GPC5: variants seen among roughly 807,000 people sequenced by gnomAD.
The protein encoded by GPC5 is glypican 5.
A neutral mutation model predicts 53.9 loss-of-function variants in GPC5; 47 were observed. The observed-to-expected ratio is 0.87, with a 90% CI of 0.69 to 1.11. GPC5 has a LOEUF of 1.11. GPC5 is among the 50% of genes most tolerant of loss of function. GPC5 has a pLI of 0.00. For missense variants in GPC5, 748 were observed against 713.1 expected (o/e 1.05, Z -0.56); for synonymous variants, 286 against 263.3 (o/e 1.09, Z -0.84).
chr13:92,432,708 G>A (rs192355208), intron 7 of GPC5, among the ~76,000 whole-genome samples: 4 of 152,038 alleles, frequency 2.6e-5, no homozygotes, highest in East Asian at 3.9e-4. Flanking sequence ...CAGCAACCTA[G>A]TGTTTACTTT....
intron 7 of GPC5, among the ~76,000 whole-genome samples, chr13:92,244,233 C>T (rs946275025): frequency 5.9e-5 from 9 of 151,578 alleles, no homozygotes; most frequent in Admixed American, 4.6e-4. Flanking sequence ...TGTAGATGTT[C>T]ATCCTGGTAT....
intron 7 of GPC5, among the ~76,000 whole-genome samples, chr13:92,836,218 A>G (rs951980301): frequency 6.6e-6 from 1 of 151,962 alleles, no homozygotes; most frequent in Non-Finnish European, 1.5e-5. Flanking sequence ...GTTTTATTCA[A>G]TATTGTCCTC....
At chr13:91,634,235 TCAG>T (rs1451036408) in intron 2 of GPC5, among the ~76,000 whole-genome samples, 2 of 152,056 alleles carry the variant, frequency 1.3e-5, no homozygotes, top group Non-Finnish European at 2.9e-5. Flanking sequence ...ATAAGACACT[TCAG>T]TAAATATAAA....
intron 7 of GPC5, among the ~76,000 whole-genome samples, chr13:92,606,143 T>C (rs1884250068): frequency 6.6e-6 from 1 of 152,122 alleles, no homozygotes; most frequent in African/African-American, 2.4e-5. Context: ...AACGTGCAGG[T>C]TTGTTACATA....
At chr13:92,071,954 T>C (rs2041215036) in intron 6 of GPC5, among the ~76,000 whole-genome samples, 1 of 146,510 alleles carries the variant, frequency 6.8e-6, no homozygotes, top group South Asian at 2.1e-4. Flanking sequence ...TATATTATTG[T>C]ACATGTAAAT....
intron 7 of GPC5, among the ~76,000 whole-genome samples, chr13:92,322,160 G>A (rs1254453120): frequency 6.6e-6 from 1 of 151,908 alleles, no homozygotes; most frequent in Non-Finnish European, 1.5e-5. Context: ...GGAAACTGAG[G>A]CATACAAAGG....
chr13:92,714,074 T>C (rs901206009), intron 7 of GPC5, among the ~76,000 whole-genome samples: 1 of 152,186 alleles, frequency 6.6e-6, no homozygotes, highest in Non-Finnish European at 1.5e-5. Flanking sequence ...TCCTGTTGTT[T>C]GTCACGTAAT....
chr13:91,509,278 C>T, intron 2 of GPC5, among the ~76,000 whole-genome samples: 1 of 129,480 alleles, frequency 7.7e-6, no homozygotes, highest in Non-Finnish European at 1.7e-5. Context: ...CCAGGTCAAA[C>T]TACTACATAA....
At chr13:91,917,402 C>T (rs917565948) in intron 6 of GPC5, among the ~76,000 whole-genome samples, 2 of 152,184 alleles carry the variant, frequency 1.3e-5, no homozygotes, top group African/African-American at 4.8e-5. Flanking sequence ...CACCCCCTTC[C>T]CAGCTGCTTT....
intron 3 of GPC5, 82 bp from the exon 4 acceptor site, chr13:91,728,450 G>T (rs1185797714): frequency 7.4e-7 from 1 of 1,358,570 alleles, no homozygotes; most frequent in Admixed American, 2.2e-5. Context: ...ACGTGTCATT[G>T]TTTTGGGCCC....
chr13:91,823,686 A>G (rs910927873), intron 5 of GPC5, among the ~76,000 whole-genome samples: 1 of 152,082 alleles, frequency 6.6e-6, no homozygotes, highest in African/African-American at 2.4e-5. Context: ...TATGACCCAA[A>G]CTAACATAAA....
chr13:92,212,520 T>A (rs2042382645), intron 7 of GPC5, among the ~76,000 whole-genome samples: 1 of 152,196 alleles, frequency 6.6e-6, no homozygotes, highest in African/African-American at 2.4e-5. Context: ...GCAAAATATC[T>A]TAAAGAGGAA....
intron 1 of GPC5, among the ~76,000 whole-genome samples, chr13:91,402,783 A>G (rs550308650): frequency 1.5e-4 from 23 of 152,238 alleles, no homozygotes; most frequent in Non-Finnish European, 3.2e-4. Context: ...TATATCAAAG[A>G]TGTTTTTACA....
At chr13:91,819,683 G>A (rs1232603244) in intron 5 of GPC5, among the ~76,000 whole-genome samples, 1 of 151,906 alleles carries the variant, frequency 6.6e-6, no homozygotes, top group Non-Finnish European at 1.5e-5. Context: ...TTTCACATTG[G>A]GGCTATTCAG....
intron 7 of GPC5, among the ~76,000 whole-genome samples, chr13:92,632,461 CACAT>C (rs1462100659): frequency 0.013 from 738 of 57,998 alleles, 7 homozygotes; most frequent in African/African-American, 0.023. Flanking sequence ...GAAAATATTC[CACAT>C]ATATATATAT....
intron 7 of GPC5, among the ~76,000 whole-genome samples, chr13:92,557,459 A>C (rs998583737): frequency 6.6e-6 from 1 of 151,950 alleles, no homozygotes; most frequent in African/African-American, 2.4e-5. Context: ...TTGGAATCTC[A>C]TTGTCTTAAA....
At chr13:92,613,291 T>G (rs1391144773) in intron 7 of GPC5, among the ~76,000 whole-genome samples, 20 of 119,756 alleles carry the variant, frequency 1.7e-4, no homozygotes, top group African/African-American at 6.2e-4. Context: ...ATATATTTTA[T>G]ATATAAAAAT....
At position 91,907,944 on chromosome 13, in the gene GPC5, C is replaced by G. The variant is rs2039572560; in HGVS notation, c.1288C>G (p.Gln430Glu). Residue 430 changes from glutamine (Q) to glutamate (E), a missense_variant, in exon 6 of 8, where the codon CAG (glutamine) becomes GAG (glutamate). By Grantham distance (29) the Gln-to-Glu change is conservative. Coordinates refer to ENST00000377067, the MANE Select transcript of GPC5 (RefSeq NM_004466.6). ...TCACATTTCCCTTGCTAGTTATACT[C>G]AGCGTGTGGTTGGAAATGGAATCAA... ...NGEDIVKSYT[Q>E]RVVGNGIKAQ... The G allele has an allele frequency of 6.3e-7, 1 of 1,594,884 alleles. No homozygotes were observed. The highest frequency in any genetic ancestry group is 8.5e-7 in the Non-Finnish European group (1 of 1,178,396).
chr13:92,567,066 G>T (rs181426754), intron 7 of GPC5, among the ~76,000 whole-genome samples: 1 of 152,158 alleles, frequency 6.6e-6, no homozygotes, highest in Non-Finnish European at 1.5e-5. Context: ...ATAAAGACTT[G>T]ATACTTGGCT....
Sources: allele counts gnomAD v4.1 joint callset (sites outside exome capture counted in the v4.1 genomes callset), GRCh38; gene constraint gnomAD v4.1.1; transcripts MANE v1.5; gene names NCBI Gene and HGNC (gene_info 2026-07-23, HGNC 2026-07-21).